CAST: variants seen among roughly 807,000 people sequenced by gnomAD.
CAST encodes the protein calpastatin.
Under a neutral mutation model 119.6 loss-of-function variants are expected in CAST, and 76 were observed. That is an observed-to-expected ratio of 0.64 (90% confidence interval 0.53 to 0.77). The LOEUF (loss-of-function observed/expected upper bound fraction) is 0.77, where lower values mean the gene tolerates loss of function less well. Among genes scored for constraint, CAST ranks in the 30% least tolerant of loss-of-function variants. CAST has a pLI of 0.00. For synonymous variants in CAST, 319 were observed against 331.6 expected (o/e 0.96, Z 0.41); for missense variants, 953 against 946.5 (o/e 1.01, Z -0.09).
the CAST span, among the ~76,000 whole-genome samples, chr5:96,357,418 A>G: frequency 2.6e-5 from 4 of 152,176 alleles, no homozygotes; most frequent in Non-Finnish European, 5.9e-5. Context: ...CTGGTTTTCA[A>G]TGGGAATGCT....
At chr5:96,338,550 C>G in the CAST span, among the ~76,000 whole-genome samples, 1 of 152,244 alleles carries the variant, frequency 6.6e-6, no homozygotes, top group South Asian at 2.1e-4. Context: ...TTGATCACAT[C>G]ACTTCTCCCC....
At chr5:96,320,995 T>C in the CAST span, among the ~76,000 whole-genome samples, 3 of 152,166 alleles carry the variant, frequency 2.0e-5, no homozygotes, top group Admixed American at 1.3e-4. Context: ...AAAATCTAGA[T>C]TGATGACAGG....
At chr5:96,349,512 A>C in the CAST span, among the ~76,000 whole-genome samples, 1 of 152,186 alleles carries the variant, frequency 6.6e-6, no homozygotes, top group Non-Finnish European at 1.5e-5. Context: ...CCTAATTGTT[A>C]TCATGAGTCT....
the CAST span, among the ~76,000 whole-genome samples, chr5:96,228,065 G>T: frequency 2.0e-5 from 3 of 151,864 alleles, no homozygotes; most frequent in Non-Finnish European, 4.4e-5. Flanking sequence ...GATTACAAAG[G>T]CTAGAAATGG....
chr5:96,697,223 AG>A (rs1279140224), intron 3 of CAST, among the ~76,000 whole-genome samples: 2 of 152,224 alleles, frequency 1.3e-5, no homozygotes, highest in Non-Finnish European at 2.9e-5. Flanking sequence ...GTGGTCTTTT[AG>A]TATGTCCAAG....
chr5:96,152,922 G>A, the CAST span, among the ~76,000 whole-genome samples: 1 of 152,300 alleles, frequency 6.6e-6, no homozygotes, highest in South Asian at 2.1e-4. Context: ...GAAAGTTCCT[G>A]TAAGATGTAT....
rs1411979596 is a variant in CAST at position 96,774,060 on chromosome 5, C to CTAT, written c.*1446_*1448dup. On this transcript the variant is annotated 3_prime_UTR_variant, in exon 32 of 32. Transcript: ENST00000675179. ...CTATCCATCAGAAATAGTCATTATT[C>CTAT]TATTTTTAAGGCAGCAACAAGAAAA... The CTAT allele has an allele frequency of 1.3e-5, 2 of 152,458 alleles. No homozygotes were observed. The highest frequency in any genetic ancestry group is 2.4e-5 in the African/African-American group (1 of 41,470). 9.4% of individuals were successfully genotyped at this position (152,458 alleles called of 1,614,324 possible).
intron 1 of CAST, among the ~76,000 whole-genome samples, chr5:96,653,420 C>G (rs572802015): frequency 3.3e-5 from 5 of 152,204 alleles, no homozygotes; most frequent in Non-Finnish European, 7.3e-5. Context: ...CCAGAAAGGG[C>G]AACAATTTGG....
the CAST span, among the ~76,000 whole-genome samples, chr5:96,268,850 T>C: frequency 6.6e-6 from 1 of 152,180 alleles, no homozygotes; most frequent in Non-Finnish European, 1.5e-5. Flanking sequence ...CATCTCAAAT[T>C]GTAATCCCCA....
At chr5:96,742,614 A>T (rs1002928438) in intron 15 of CAST, 41 bp from the exon 16 acceptor site, 1 of 1,214,610 alleles carries the variant, frequency 8.2e-7, no homozygotes, top group Non-Finnish European at 1.2e-6. Context: ...CGGGCTCCAG[A>T]GATGTCTTTT....
At chr5:96,016,382 C>T in the CAST span, among the ~76,000 whole-genome samples, 1 of 152,204 alleles carries the variant, frequency 6.6e-6, no homozygotes, top group African/African-American at 2.4e-5. Context: ...ACTCTGTGCA[C>T]ATGCCACTGA....
the CAST span, among the ~76,000 whole-genome samples, chr5:96,489,780 G>C: frequency 1.3e-5 from 2 of 151,910 alleles, no homozygotes; most frequent in Non-Finnish European, 2.9e-5. Context: ...AAGATGCCCT[G>C]CTCTCTCTAC....
At chr5:96,588,196 C>CTTTTTTTTTTTTTTTTTTTTTTTTTT (rs140665192) in intron 1 of CAST, among the ~76,000 whole-genome samples, 10 of 75,842 alleles carry the variant, frequency 1.3e-4, no homozygotes, top group African/African-American at 3.1e-4. Context: ...TTCTTTCTTT[C>CTTTTTTTTTTTTTTTTTTTTTTTTTT]TTTTTTTTTT....
At chr5:96,662,884 G>T in intron 1 of CAST, 1 of 571,418 alleles carries the variant, frequency 1.8e-6, no homozygotes, top group Admixed American at 3.2e-5. Flanking sequence ...GGGCCGCAGG[G>T]CGTGGCTGCC....
upstream of CAST, chr5:96,662,334 T>G: frequency 7.7e-6 from 2 of 260,328 alleles, no homozygotes; most frequent in Non-Finnish European, 1.3e-5. Flanking sequence ...CCTCCCTCCC[T>G]CCCTCTCTCC....
rs1278376584 is a variant in CAST at position 96,772,830 on chromosome 5, A to AT, written c.*216dup. 6.5e-6 allele frequency: 1 copy of AT among 153,006 alleles called. No individual in the cohort carries two copies. Among genetic ancestry groups the AT allele is most frequent in the African/African-American group, 2.4e-5 (1 of 41,454 alleles). 9.5% of individuals were successfully genotyped at this position (153,006 alleles called of 1,614,324 possible). ...TGACTGGTTCACCTGTGTACTGAGT[A>AT]TTGATAAACTTTGAATTTTTTTAAT... On this transcript the variant is annotated 3_prime_UTR_variant, in exon 32 of 32. Coordinates refer to ENST00000675179, the MANE Select transcript of CAST (RefSeq NM_001750.7).
intron 31 of CAST, chr5:96,771,932 C>A: frequency 2.8e-6 from 1 of 353,176 alleles, no homozygotes. Flanking sequence ...TAATTAAAAG[C>A]TTTTAAAAAT....
intron 1 of CAST, among the ~76,000 whole-genome samples, chr5:96,551,130 T>G (rs547670827): frequency 6.6e-6 from 1 of 151,590 alleles, no homozygotes; most frequent in Non-Finnish European, 1.5e-5. Flanking sequence ...TTCACCTAGG[T>G]TGAAATGAAG....
the CAST span, among the ~76,000 whole-genome samples, chr5:96,118,684 A>G: frequency 6.8e-6 from 1 of 147,982 alleles, no homozygotes; most frequent in African/African-American, 2.5e-5. Flanking sequence ...CATGGTGCTC[A>G]GTTGACTTAA....
Sources: allele counts gnomAD v4.1 joint callset (sites outside exome capture counted in the v4.1 genomes callset), GRCh38; gene constraint gnomAD v4.1.1; transcripts MANE v1.5; gene names NCBI Gene and HGNC (gene_info 2026-07-23, HGNC 2026-07-21).